The following CALM3 variants were observed in gnomAD, a reference collection of about 807,000 sequenced individuals.
CALM3 encodes calmodulin-3.
In CALM3, 5 loss-of-function variants were observed where a neutral mutation model predicts 20.1. The observed-to-expected ratio is 0.25, with a 90% CI of 0.13 to 0.52. The LOEUF (loss-of-function observed/expected upper bound fraction) is 0.52, where lower values mean the gene tolerates loss of function less well. Ranked by LOEUF, CALM3 falls within the 20% of genes least tolerant of loss-of-function variation. CALM3 has a pLI of 0.96. For missense variants in CALM3, 57 were observed against 192.8 expected, an observed-to-expected ratio of 0.30 and a Z score of 4.17; for synonymous variants, 69 against 68.1, an observed-to-expected ratio of 1.01 and a Z score of -0.06.
intron 1 of CALM3, among the ~76,000 whole-genome samples, chr19:46,604,282 G>A (rs1168149519): frequency 6.6e-6 from 1 of 152,126 alleles, no homozygotes; most frequent in Non-Finnish European, 1.5e-5. Context: ...TGGGGGGCAG[G>A]TGGATCAAGA....
At chr19:46,604,220 A>T (rs982609527) in intron 1 of CALM3, among the ~76,000 whole-genome samples, 1 of 152,040 alleles carries the variant, frequency 6.6e-6, no homozygotes, top group Non-Finnish European at 1.5e-5. Flanking sequence ...CCTCTTCCTC[A>T]GGTGTCAGGA....
chr19:46,608,995 A>G lies in CALM3; in HGVS notation c.421+14A>G, dbSNP rs369796184. ...TCAATTATGAAGGTGAGTCAAGGCC[A>G]GGCTTGATCTCTGGAACAAGAAGAG... On this transcript the variant is annotated intron_variant, in intron 5 of 5. Transcript: ENST00000291295. The surrounding 1 kb of genome is among the most constrained non-coding windows in gnomAD (Gnocchi z 5.5). 4 of 1,602,076 alleles carry G rather than the reference A, an allele frequency of 2.5e-6. No individual in the cohort carries two copies. Among genetic ancestry groups the G allele is most frequent in the African/African-American group, 1.3e-5 (1 of 74,650 alleles).
rs779521135 is a variant in CALM3 at position 46,608,364 on chromosome 19, C to A, written c.178+24C>A. On this transcript the variant is annotated intron_variant, in intron 3 of 5. Transcript: ENST00000291295. The surrounding 1 kb of genome is among the most constrained non-coding windows in gnomAD (Gnocchi z 5.5). ...TGGTGAGCCCCACAGAGCGCGTGGG[C>A]AGCCCTGCTCCTGGTCACCCCGAGT... 6.2e-7 allele frequency: 1 copy of A among 1,613,032 alleles called. No individual in the cohort carries two copies. The highest frequency in any genetic ancestry group is 1.1e-5 in the South Asian group (1 of 91,000).
intron 2 of CALM3, among the ~76,000 whole-genome samples, chr19:46,607,688 G>A (rs1971771989): frequency 6.6e-6 from 1 of 152,218 alleles, no homozygotes; most frequent in East Asian, 1.9e-4. Flanking sequence ...CCACGGCAAG[G>A]AACAGGGCTG....
chr19:46,602,261 T>C, intron 1 of CALM3: 1 of 1,306,700 alleles, frequency 7.7e-7, no homozygotes, highest in African/African-American at 1.5e-5. Context: ...TTGGGGTTAA[T>C]TTGGAAGTAG....
Position 46,601,390 on chromosome 19 carries a change from C to G in CALM3, c.-45C>G. On this transcript the variant is annotated 5_prime_UTR_variant, in exon 1 of 6. Coordinates refer to ENST00000291295, the MANE Select transcript of CALM3 (RefSeq NM_005184.4). The surrounding 1 kb of genome is among the most constrained non-coding windows in gnomAD (Gnocchi z 4.2). The stretch of plus-strand genomic sequence containing the variant: ...GAACTGCTGCAGCTGCTGCCGCCGC[C>G]GGAGGAACCTTGATCCCCGTGCTCC... The G allele has an allele frequency of 6.6e-7, 1 of 1,504,052 alleles. No homozygotes were observed. Among genetic ancestry groups the G allele is most frequent in the Non-Finnish European group, 8.9e-7 (1 of 1,129,634 alleles). The allele number at this position is 1,504,052 out of a possible 1,614,324, so 93.2% of individuals were successfully genotyped here. A position where few individuals can be genotyped will look rare whatever the true frequency, so the allele number is the denominator to read the frequency against.
Position 46,609,881 on chromosome 19 carries a change from A to G in CALM3, c.*728A>G, listed in dbSNP as rs10405893. On this transcript the variant is annotated 3_prime_UTR_variant, in exon 6 of 6. Transcript: ENST00000291295. ...GGACTGCTCATTTGGCCACTCTGCAAATTGGACTTGCCCGCGTTCCTGAAG... is the reference window on the plus strand; with the variant it reads ...GGACTGCTCATTTGGCCACTCTGCAGATTGGACTTGCCCGCGTTCCTGAAG... The G allele has an allele frequency of 0.92, 140,744 of 152,844 alleles. 64,862 individuals are homozygous for G. Among genetic ancestry groups the G allele is most frequent in the East Asian group, 0.97 (5,020 of 5,154 alleles). 9.5% of individuals were successfully genotyped at this position (152,844 alleles called of 1,614,324 possible). A position where few individuals can be genotyped will look rare whatever the true frequency, so the allele number is the denominator to read the frequency against.
Position 46,608,401 on chromosome 19 carries a change from G to A in CALM3, c.178+61G>A. The stretch of plus-strand genomic sequence containing the variant: ...TGGTCACCCCGAGTGACTGCAGGGA[G>A]CCTCTCTCAGGGTGATGGATGAGCC... On this transcript the variant is annotated intron_variant, in intron 3 of 5. Coordinates refer to ENST00000291295, the MANE Select transcript of CALM3 (RefSeq NM_005184.4). The surrounding 1 kb of genome is among the most constrained non-coding windows in gnomAD (Gnocchi z 5.5). 2 of 1,610,258 alleles carry A rather than the reference G, an allele frequency of 1.2e-6. No individual in the cohort carries two copies. The highest frequency in any genetic ancestry group is 2.2e-5 in the East Asian group (1 of 44,848).
intron 2 of CALM3, among the ~76,000 whole-genome samples, chr19:46,607,172 C>A (rs535205618): frequency 1.3e-5 from 2 of 152,292 alleles, no homozygotes; most frequent in East Asian, 1.9e-4. Context: ...GGCCTCAGCA[C>A]AGGGAGGTGC....
chr19:46,603,670 G>C (rs1346563373), intron 1 of CALM3, among the ~76,000 whole-genome samples: 1 of 152,194 alleles, frequency 6.6e-6, no homozygotes, highest in Non-Finnish European at 1.5e-5. Flanking sequence ...AAGAAACCTT[G>C]AGCAAGGATC....
At chr19:46,607,491 G>A (rs1274645215) in intron 2 of CALM3, among the ~76,000 whole-genome samples, 2 of 152,192 alleles carry the variant, frequency 1.3e-5, no homozygotes, top group Admixed American at 1.3e-4. Flanking sequence ...CCCTGCCCCT[G>A]ATGCGGCCCC....
chr19:46,605,454 G>A lies in CALM3; in HGVS notation c.4-373G>A, dbSNP rs1208958914. 1 of 244,528 alleles carries A rather than the reference G, an allele frequency of 4.1e-6. No individual in the cohort carries two copies. Among genetic ancestry groups the A allele is most frequent in the Admixed American group, 5.5e-5 (1 of 18,260 alleles). The allele number at this position is 244,528 out of a possible 1,614,324, so 15.1% of individuals were successfully genotyped here. On this transcript the variant is annotated intron_variant, in intron 1 of 5. Coordinates refer to ENST00000291295, the MANE Select transcript of CALM3 (RefSeq NM_005184.4). The surrounding 1 kb of genome is among the most constrained non-coding windows in gnomAD (Gnocchi z 4.1). The stretch of plus-strand genomic sequence containing the variant: ...TCACTCGGCCTCTGGGGCTCTCACT[G>A]ATGAGATGCAAACCTGTGCCAGGCC...
In CALM3 at chr19:46,608,636, A is replaced by AGTCAGACAGGCGGAACTGGAGCCAC; in HGVS notation, c.285+49_285+50insTCAGACAGGCGGAACTGGAGCCACG. 1.3e-6 allele frequency: 2 copies of AGTCAGACAGGCGGAACTGGAGCCAC among 1,492,148 alleles called. No homozygotes were observed. Among genetic ancestry groups the AGTCAGACAGGCGGAACTGGAGCCAC allele is most frequent in the Non-Finnish European group, 1.9e-6 (2 of 1,072,758 alleles). The allele number at this position is 1,492,148 out of a possible 1,614,324, so 92.4% of individuals were successfully genotyped here. ...GGCTCTGAGACTGACGCCAGCCTTC[A>AGTCAGACAGGCGGAACTGGAGCCAC]GGCAGACAGGCGGAACTGGAGCCAC... On this transcript the variant is annotated intron_variant, in intron 4 of 5. Transcript: ENST00000291295. This position sits in a 1 kb window ranked among gnomAD's most constrained non-coding sequence, Gnocchi z 5.5.
intron 1 of CALM3, chr19:46,602,118 GC>G: frequency 7.6e-7 from 1 of 1,319,268 alleles, no homozygotes; most frequent in Non-Finnish European, 1.0e-6. Context: ...GGGAGGAAGA[GC>G]CTGGGGTGGG....
chr19:46,605,912 A>G lies in CALM3; in HGVS notation c.34+55A>G, dbSNP rs192607690. ...CAGGAAAGCCTCCACATCCCCAGCC[A>G]AATCTTAGCCACTGAGGAGTGACAT... is the stretch of plus-strand genomic sequence containing the variant. On this transcript the variant is annotated intron_variant, in intron 2 of 5. Coordinates refer to ENST00000291295, the MANE Select transcript of CALM3 (RefSeq NM_005184.4). The surrounding 1 kb of genome is among the most constrained non-coding windows in gnomAD (Gnocchi z 4.1). The G allele has an allele frequency of 8.3e-5, 128 of 1,544,350 alleles. No individual in the cohort carries two copies. The highest frequency in any genetic ancestry group is 8.1e-6 in the Non-Finnish European group (9 of 1,116,920).
chr19:46,608,361 G>A lies in CALM3; in HGVS notation c.178+21G>A, dbSNP rs1487772421. The A allele has an allele frequency of 6.2e-7, 1 of 1,613,328 alleles. No individual in the cohort carries two copies. The highest frequency in any genetic ancestry group is 8.5e-7 in the Non-Finnish European group (1 of 1,179,592). On this transcript the variant is annotated intron_variant, in intron 3 of 5. Transcript: ENST00000291295. The surrounding 1 kb of genome is among the most constrained non-coding windows in gnomAD (Gnocchi z 5.5). Reference sequence around the variant, plus strand: ...AGATGGTGAGCCCCACAGAGCGCGTGGGCAGCCCTGCTCCTGGTCACCCCG... The same window carrying A: ...AGATGGTGAGCCCCACAGAGCGCGTAGGCAGCCCTGCTCCTGGTCACCCCG...
At chr19:46,607,392 C>G (rs528303898) in intron 2 of CALM3, among the ~76,000 whole-genome samples, 1 of 152,200 alleles carries the variant, frequency 6.6e-6, no homozygotes, top group Admixed American at 6.5e-5. Context: ...AATAGGCTGC[C>G]GGACATCTGT....
chr19:46,609,071 G>A (rs1403094729), intron 5 of CALM3, 54 bp from the exon 6 acceptor site: 28 of 1,612,482 alleles, frequency 1.7e-5, no homozygotes, highest in South Asian at 2.2e-5. Flanking sequence ...GGGGAGGGCC[G>A]CTCGCCACTT....
At position 46,610,468 on chromosome 19, in the gene CALM3, C is replaced by T. The variant is rs563042406; in HGVS notation, c.*1315C>T. On this transcript the variant is annotated 3_prime_UTR_variant, in exon 6 of 6. Coordinates refer to ENST00000291295, the MANE Select transcript of CALM3 (RefSeq NM_005184.4). ...TCATTTCATCTGGCTCCCCCCACCA[C>T]CTCCCCACCCCACCCCCCACCCCCT... 3 of 138,416 alleles carry T rather than the reference C, an allele frequency of 2.2e-5. No individual in the cohort carries two copies. The highest frequency in any genetic ancestry group is 4.7e-5 in the Non-Finnish European group (3 of 63,616). 8.6% of individuals were successfully genotyped at this position (138,416 alleles called of 1,614,324 possible). A position where few individuals can be genotyped will look rare whatever the true frequency, so the allele number is the denominator to read the frequency against.
Sources: gnomAD v4.1 joint callset for allele counts (sites outside exome capture counted in the v4.1 genomes callset) on GRCh38, gnomAD v4.1.1 for gene constraint, Gnocchi (gnomAD v3.1) non-coding constraint, MANE v1.5 for transcripts, NCBI Gene and HGNC (gene_info 2026-07-23, HGNC 2026-07-21) for gene names.